Variants in LGALS12 observed in about 807,000 individuals in gnomAD.
LGALS12 encodes the protein galectin 12, also known as galectin-12.
Under a neutral mutation model 36.8 loss-of-function variants are expected in LGALS12, and 36 were observed. That is an observed-to-expected ratio of 0.98 (90% CI 0.75 to 1.29). The LOEUF (loss-of-function observed/expected upper bound fraction) is 1.29. Ranked by LOEUF, LGALS12 falls within the 50% of genes most tolerant of loss-of-function variation. The pLI is 0.00. For missense variants in LGALS12, 366 were observed against 394.3 expected (o/e 0.93, Z 0.61); for synonymous variants, 145 against 155.9 (o/e 0.93, Z 0.52).
chr11:63,510,404 T>C, intron 4 of LGALS12, 59 bp from the exon 5 acceptor site: 1 of 1,541,550 alleles, frequency 6.5e-7, no homozygotes, highest in Non-Finnish European at 9.0e-7. Context: ...CTCCCAGGCA[T>C]AGGTAGGGGA....
At chr11:63,511,242 G>GGTCAGGCAGCTTATGCC (rs1555033928) in intron 6 of LGALS12, 137 bp downstream of exon 6, 1 of 784,296 alleles carries the variant, frequency 1.3e-6, no homozygotes, top group Non-Finnish European at 2.1e-6. Context: ...GCTGTGGGTG[G>GGTCAGGCAGCTTATGCC]GCCAGGCAGC....
chr11:63,506,225 C>T lies in LGALS12; in HGVS notation c.-234C>T, dbSNP rs987336511. 2.5e-5 allele frequency: 17 copies of T among 685,304 alleles called. No individual in the cohort carries two copies. The highest frequency in any genetic ancestry group is 3.8e-5 in the Non-Finnish European group (16 of 416,426). The allele number at this position is 685,304 out of a possible 1,614,324, so 42.5% of individuals were successfully genotyped here. On this transcript the variant is annotated 5_prime_UTR_variant, in exon 1 of 9. Coordinates refer to ENST00000394618, the MANE Select transcript of LGALS12 (RefSeq NM_033101.4). Reference sequence around the variant, plus strand: ...CTGAGTTCTGCTGACAGCCCCCGCCCAGCCAGAGCTCTGCTGTATACCACC... The same window carrying T: ...CTGAGTTCTGCTGACAGCCCCCGCCTAGCCAGAGCTCTGCTGTATACCACC...
chr11:63,514,556 C>A (rs749826590), intron 7 of LGALS12, among the ~76,000 whole-genome samples: 2 of 151,990 alleles, frequency 1.3e-5, no homozygotes, highest in Non-Finnish European at 2.9e-5. Flanking sequence ...GGTGACAGAG[C>A]AAGACTCTGT....
At chr11:63,511,209 C>A in intron 6 of LGALS12, 104 bp downstream of exon 6, 1 of 1,142,380 alleles carries the variant, frequency 8.8e-7, no homozygotes, top group South Asian at 1.2e-5. Context: ...CAGGATTTCC[C>A]CTTCCTTTAT....
intron 1 of LGALS12, chr11:63,508,226 C>T (rs897972902): frequency 1.2e-5 from 14 of 1,196,718 alleles, no homozygotes; most frequent in Admixed American, 4.3e-5. Context: ...ACCAGGGTGA[C>T]ATCTAGTGGA....
In LGALS12 at chr11:63,508,660, C is replaced by T. The variant is rs1590643621; in HGVS notation, c.158+19C>T. ...CACACAGGTAAGGCGGGGGAGGTGG[C>T]CCAGGGGGTGCTGGAGCTCAGCCCT... On this transcript the variant is annotated intron_variant, in intron 2 of 8. Coordinates refer to ENST00000394618, the MANE Select transcript of LGALS12 (RefSeq NM_033101.4). 1 of 1,613,846 alleles carries T rather than the reference C, an allele frequency of 6.2e-7. No individual in the cohort carries two copies. The highest frequency in any genetic ancestry group is 8.5e-7 in the Non-Finnish European group (1 of 1,179,940).
At position 63,506,390 on chromosome 11, in the gene LGALS12, C is replaced by A. The variant is rs1208957596; in HGVS notation, c.-69C>A. 2 of 1,614,048 alleles carry A rather than the reference C, an allele frequency of 1.2e-6. No individual in the cohort carries two copies. The highest frequency in any genetic ancestry group is 1.7e-5 in the Admixed American group (1 of 60,000). On this transcript the variant is annotated 5_prime_UTR_variant, in exon 1 of 9. Coordinates refer to ENST00000394618, the MANE Select transcript of LGALS12 (RefSeq NM_033101.4). ...CAGGCATTTAGGACCCTGACTGGGG[C>A]AGATGAGTCAGCCCAGTGGGGGCAG... is the stretch of plus-strand genomic sequence containing the variant.
At position 63,508,655 on chromosome 11, in the gene LGALS12, G is replaced by A. The variant is rs201103695; in HGVS notation, c.158+14G>A. 1 of 1,614,014 alleles carries A rather than the reference G, an allele frequency of 6.2e-7. No homozygotes were observed. The highest frequency in any genetic ancestry group is 8.5e-7 in the Non-Finnish European group (1 of 1,179,996). ...AGATGCACACAGGTAAGGCGGGGGA[G>A]GTGGCCCAGGGGGTGCTGGAGCTCA... On this transcript the variant is annotated intron_variant, in intron 2 of 8. Coordinates refer to ENST00000394618, the MANE Select transcript of LGALS12 (RefSeq NM_033101.4).
At chr11:63,510,158 CA>C (rs1016881715) in intron 4 of LGALS12, among the ~76,000 whole-genome samples, 6 of 152,154 alleles carry the variant, frequency 3.9e-5, no homozygotes, top group African/African-American at 1.4e-4. Context: ...CACTGAGAAG[CA>C]ATGGCCAGGA....
intron 5 of LGALS12, 111 bp from the exon 6 acceptor site, chr11:63,510,968 C>G: frequency 9.4e-7 from 1 of 1,062,012 alleles, no homozygotes; most frequent in Non-Finnish European, 1.4e-6. Flanking sequence ...TCACCTACTG[C>G]TGTGAGAGAG....
At position 63,509,862 on chromosome 11, in the gene LGALS12, A is replaced by T. The variant is rs117587231; in HGVS notation, c.457A>T (p.Ile153Phe). 3.1e-6 allele frequency: 5 copies of T among 1,614,014 alleles called. No individual in the cohort carries two copies. The Admixed American group carries it at 5.0e-5, about 16-fold the overall frequency. The change falls in exon 4 of 9, where the codon ATC (isoleucine) becomes TTC (phenylalanine). Residue 153 changes from isoleucine (I) to phenylalanine (F), a missense_variant. Coordinates refer to ENST00000394618, the MANE Select transcript of LGALS12 (RefSeq NM_033101.4). ...HVDTLGIFGD[I>F]LVEAVGFLNI... ...GGACACGCTGGGTATATTTGGTGAC[A>T]TCCTGGTAGAGGCTGTTGGATTCCT... is the stretch of plus-strand genomic sequence containing the variant.
chr11:63,512,456 G>A (rs905668712), intron 7 of LGALS12, among the ~76,000 whole-genome samples: 1 of 152,216 alleles, frequency 6.6e-6, no homozygotes, highest in Non-Finnish European at 1.5e-5. Context: ...CCTTAGGACA[G>A]ATACTTTTCC....
intron 7 of LGALS12, 132 bp from the exon 8 acceptor site, chr11:63,515,431 G>A: frequency 1.0e-6 from 1 of 993,318 alleles, no homozygotes; most frequent in Non-Finnish European, 1.5e-6. Flanking sequence ...TAGGCCCTCA[G>A]TGCTTGTTTC....
At chr11:63,509,047 T>G in intron 3 of LGALS12, 56 bp downstream of exon 3, 1 of 1,378,966 alleles carries the variant, frequency 7.3e-7, no homozygotes, top group Non-Finnish European at 1.0e-6. Context: ...GCGCCCTTCC[T>G]TCCCTCAGCC....
intron 1 of LGALS12, 42 bp downstream of exon 1, chr11:63,506,569 C>G: frequency 6.2e-7 from 1 of 1,612,954 alleles, no homozygotes; most frequent in Admixed American, 1.7e-5. Context: ...GGTCTCTGGG[C>G]TCTTCCCTTC....
chr11:63,515,059 A>C (rs2017038755), intron 7 of LGALS12, among the ~76,000 whole-genome samples: 2 of 152,228 alleles, frequency 1.3e-5, no homozygotes, highest in Admixed American at 1.3e-4. Flanking sequence ...GTCACATTAC[A>C]GATGAGGAAA....
intron 3 of LGALS12, 147 bp from the exon 4 acceptor site, chr11:63,509,631 G>C: frequency 1.3e-6 from 1 of 785,008 alleles, no homozygotes; most frequent in Admixed American, 2.7e-5. Flanking sequence ...GCCGCCCAAG[G>C]CTCTGTAAAA....
chr11:63,506,091 C>T lies in LGALS12; in HGVS notation c.-368C>T. On this transcript the variant is annotated 5_prime_UTR_variant, in exon 1 of 9. Transcript: ENST00000394618. Reference sequence around the variant, plus strand: ...GGGCTCGAGTTGGAAACCACAAACCCTCGTTGGCCCCACAGGAGCCAGCCT... The same window carrying T: ...GGGCTCGAGTTGGAAACCACAAACCTTCGTTGGCCCCACAGGAGCCAGCCT... 1 of 343,188 alleles carries T rather than the reference C, an allele frequency of 2.9e-6. No individual in the cohort carries two copies. Among genetic ancestry groups the T allele is most frequent in the Non-Finnish European group, 5.4e-6 (1 of 184,496 alleles). The allele number at this position is 343,188 out of a possible 1,614,324, so 21.3% of individuals were successfully genotyped here.
Position 63,509,754 on chromosome 11 carries a change from G to T in LGALS12, c.373-24G>T, listed in dbSNP as rs78705873. The T allele has an allele frequency of 1.2e-3, 1,980 of 1,612,580 alleles. 15 individuals are homozygous for T. The East Asian group carries it at 0.026, about 21-fold the overall frequency. On this transcript the variant is annotated intron_variant, in intron 3 of 8. Coordinates refer to ENST00000394618, the MANE Select transcript of LGALS12 (RefSeq NM_033101.4). The stretch of plus-strand genomic sequence containing the variant: ...CTCAATGAACATTAGCTGCTGATAA[G>T]CCAGCCTCTGTCTGTCTCTCCAGGT...
Sources: gnomAD v4.1 joint callset for allele counts (sites outside exome capture counted in the v4.1 genomes callset) on GRCh38, gnomAD v4.1.1 for gene constraint, MANE v1.5 for transcripts, NCBI Gene and HGNC (gene_info 2026-07-23, HGNC 2026-07-21) for gene names.